CFAP299: variants seen among roughly 807,000 people sequenced by gnomAD.
The protein encoded by CFAP299 is cilia and flagella associated protein 299, also known as cilia- and flagella-associated protein 299.
Under a neutral mutation model 27.0 loss-of-function variants are expected in CFAP299, and 21 were observed. The observed-to-expected ratio is 0.78, with a 90% CI of 0.55 to 1.12. The LOEUF (loss-of-function observed/expected upper bound fraction) is 1.12, where lower values mean the gene tolerates loss of function less well. Among genes scored for constraint, CFAP299 ranks in the 50% most tolerant of loss-of-function variants. CFAP299 has a pLI of 0.00. For synonymous variants in CFAP299, 104 were observed against 98.1 expected (o/e 1.06, Z -0.36); for missense variants, 310 against 276.6 (o/e 1.12, Z -0.86).
intron 3 of CFAP299, among the ~76,000 whole-genome samples, chr4:80,588,275 C>G (rs1048550619): frequency 6.6e-6 from 1 of 150,862 alleles, no homozygotes; most frequent in Non-Finnish European, 1.5e-5. Context: ...TAGCTTTTAA[C>G]ACCTGCAGGT....
intron 2 of CFAP299, among the ~76,000 whole-genome samples, chr4:80,542,585 G>A (rs1449202674): frequency 6.6e-6 from 1 of 152,142 alleles, no homozygotes; most frequent in Non-Finnish European, 1.5e-5. Context: ...CAGACCTGGA[G>A]AGAGCAGGGC....
At chr4:80,654,797 T>TA (rs1305712849) in intron 3 of CFAP299, among the ~76,000 whole-genome samples, 13 of 150,870 alleles carry the variant, frequency 8.6e-5, no homozygotes, top group African/African-American at 3.2e-4. Flanking sequence ...TTTTTTTTTT[T>TA]TTTTTTTGGT....
intron 1 of CFAP299, among the ~76,000 whole-genome samples, chr4:80,344,529 C>A (rs1456413904): frequency 6.6e-6 from 1 of 151,886 alleles, no homozygotes; most frequent in Non-Finnish European, 1.5e-5. Flanking sequence ...CAAAAAAAGC[C>A]CAAGACCAGA....
At chr4:80,597,849 G>A (rs1379482088) in intron 3 of CFAP299, among the ~76,000 whole-genome samples, 1 of 152,076 alleles carries the variant, frequency 6.6e-6, no homozygotes, top group Non-Finnish European at 1.5e-5. Flanking sequence ...ACCACTCCTG[G>A]CTAATTTTTG....
chr4:80,758,727 A>G (rs968978199), intron 3 of CFAP299, among the ~76,000 whole-genome samples: 2 of 152,180 alleles, frequency 1.3e-5, no homozygotes, highest in African/African-American at 4.8e-5. Context: ...ATATATCAGC[A>G]TTTCCCTTCC....
At chr4:80,959,232 C>G (rs1248934563) in intron 5 of CFAP299, among the ~76,000 whole-genome samples, 1 of 151,006 alleles carries the variant, frequency 6.6e-6, no homozygotes, top group Non-Finnish European at 1.5e-5. Context: ...GAGGAAGAAG[C>G]CTTGAGATAG....
At chr4:80,909,933 A>G (rs1266948614) in intron 4 of CFAP299, among the ~76,000 whole-genome samples, 2 of 152,126 alleles carry the variant, frequency 1.3e-5, no homozygotes, top group Non-Finnish European at 1.5e-5. Context: ...AATAACTTAT[A>G]ATTAACTGAT....
chr4:80,489,977 G>T (rs1054792206), intron 2 of CFAP299, among the ~76,000 whole-genome samples: 1 of 152,016 alleles, frequency 6.6e-6, no homozygotes, highest in Admixed American at 6.6e-5. Context: ...TATAACTCCC[G>T]TGTCAAATTA....
chr4:80,795,062 G>A (rs1027822851), intron 3 of CFAP299, among the ~76,000 whole-genome samples: 2 of 152,150 alleles, frequency 1.3e-5, no homozygotes, highest in African/African-American at 4.8e-5. Context: ...GGGGAAAGAA[G>A]CTGAGTGGTG....
At chr4:80,963,467 G>A in intron 5 of CFAP299, 50 bp from the exon 6 acceptor site, 3 of 1,284,908 alleles carry the variant, frequency 2.3e-6, no homozygotes, top group South Asian at 1.4e-5. Context: ...TTTTAAAAAA[G>A]GCCAAGTATT....
intron 3 of CFAP299, among the ~76,000 whole-genome samples, chr4:80,754,831 C>G (rs909176253): frequency 1.3e-5 from 2 of 152,008 alleles, no homozygotes; most frequent in African/African-American, 4.8e-5. Flanking sequence ...AGAGATGCCT[C>G]TCTTCTATTA....
At chr4:80,324,714 T>A in the CFAP299 span, among the ~76,000 whole-genome samples, 2 of 152,310 alleles carry the variant, frequency 1.3e-5, no homozygotes, top group African/African-American at 4.8e-5. Context: ...ATTCTGAGAA[T>A]AATCAACAAT....
intron 3 of CFAP299, among the ~76,000 whole-genome samples, chr4:80,756,607 A>G (rs959117785): frequency 1.3e-5 from 2 of 152,182 alleles, no homozygotes; most frequent in African/African-American, 4.8e-5. Context: ...GACACATACA[A>G]AATGACATTT....
At chr4:80,484,659 A>T (rs1041987808) in intron 2 of CFAP299, among the ~76,000 whole-genome samples, 46 of 152,300 alleles carry the variant, frequency 3.0e-4, no homozygotes, top group African/African-American at 9.4e-4. Context: ...TTGTATTGAA[A>T]ATATATTTTA....
chr4:80,375,041 G>A (rs1308284986), intron 2 of CFAP299, among the ~76,000 whole-genome samples: 1 of 152,090 alleles, frequency 6.6e-6, no homozygotes, highest in African/African-American at 2.4e-5. Context: ...CAGTGCTAGA[G>A]TGGCTCCAAG....
Position 80,799,919 on chromosome 4 carries a change from T to A in CFAP299, c.334-70074T>A, listed in dbSNP as rs866773970. ...TTATATATTATAATATAATATATAA[T>A]ATATATATTTATATATTATATTATA... On this transcript the variant is annotated intron_variant, in intron 3 of 5. Transcript: ENST00000358105. Among the ~76,000 whole-genome samples, 8 of 43,870 alleles carry A rather than the reference T, an allele frequency of 1.8e-4. No homozygotes were observed. In the East Asian group the frequency reaches 4.5e-3, roughly 25 times the overall value. 28.8% of individuals were successfully genotyped at this position (43,870 alleles called of 152,430 possible).
chr4:80,943,193 G>A (rs1024236560), intron 4 of CFAP299, among the ~76,000 whole-genome samples: 2 of 152,114 alleles, frequency 1.3e-5, no homozygotes, highest in Non-Finnish European at 2.9e-5. Flanking sequence ...TTCTTACTCT[G>A]TGCCTCAGTA....
chr4:80,398,994 GA>G (rs1218546890), intron 2 of CFAP299, among the ~76,000 whole-genome samples: 2 of 150,240 alleles, frequency 1.3e-5, no homozygotes, highest in Non-Finnish European at 3.0e-5. Context: ...AAATTTACAA[GA>G]AAAAAACAAA....
chr4:80,441,080 A>G (rs1728334561), intron 2 of CFAP299, among the ~76,000 whole-genome samples: 1 of 152,236 alleles, frequency 6.6e-6, no homozygotes. Flanking sequence ...CCAATGTTTG[A>G]TTGATATACC....
Sources: gnomAD v4.1 joint callset for allele counts (sites outside exome capture counted in the v4.1 genomes callset) on GRCh38, gnomAD v4.1.1 for gene constraint, MANE v1.5 for transcripts, NCBI Gene and HGNC (gene_info 2026-07-23, HGNC 2026-07-21) for gene names.